Variants in ALK observed in about 807,000 individuals in gnomAD.
ALK encodes the protein ALK receptor tyrosine kinase.
Under a neutral mutation model 163.1 loss-of-function variants are expected in ALK, and 74 were observed. The ratio of observed to expected loss-of-function variants is 0.45; its 90% CI spans 0.38 to 0.55. The LOEUF is 0.55. Among genes scored for constraint, ALK ranks in the 20% least tolerant of loss-of-function variants. The pLI is 0.00. For synonymous variants in ALK, 960 were observed against 843.2 expected, an observed-to-expected ratio of 1.14 and a Z score of -2.40; for missense variants, 2,063 against 2,105.3, an observed-to-expected ratio of 0.98 and a Z score of 0.39.
rs550047248 is a variant in ALK, at chr2:29,801,539, G to C, written c.668-83842C>G. On this transcript the variant is annotated intron_variant, in intron 1 of 28. Transcript: ENST00000389048. ...GTATGCTATTGCTGCACGACTTTCA[G>C]CCTTCAAGGATCAGGGATGCCACAC... 2.0e-5 allele frequency among the ~76,000 whole-genome samples: 3 copies of C among 152,210 alleles called. No homozygotes were observed. The South Asian group carries it at 6.2e-4, about 32-fold the overall frequency.
intron 1 of ALK, among the ~76,000 whole-genome samples, chr2:29,784,823 G>A (rs932502817): frequency 6.6e-5 from 10 of 152,088 alleles, no homozygotes; most frequent in Admixed American, 2.6e-4. Context: ...ATGTTATTAC[G>A]TTATAGTGCC....
At chr2:29,203,485 C>CTTTTTTTTGTTTTTTTTTTTTTTTT (rs1669232769) in intron 26 of ALK, among the ~76,000 whole-genome samples, 1 of 32,544 alleles carries the variant, frequency 3.1e-5, no homozygotes, top group Non-Finnish European at 5.2e-5. Context: ...GAGGATGTGC[C>CTTTTTTTTGTTTTTTTTTTTTTTTT]TTTTTTTTTT....
chr2:29,869,402 A>T (rs528818228), intron 1 of ALK, among the ~76,000 whole-genome samples: 1 of 152,334 alleles, frequency 6.6e-6, no homozygotes, highest in South Asian at 2.1e-4. Flanking sequence ...TGACCTAATA[A>T]CTATCTAATT....
intron 5 of ALK, among the ~76,000 whole-genome samples, chr2:29,360,220 T>C (rs7597581): frequency 0.05 from 7,555 of 152,304 alleles, 650 homozygotes; most frequent in African/African-American, 0.17. Flanking sequence ...GATTCATGGC[T>C]TTTCTGGCAC....
intron 3 of ALK, among the ~76,000 whole-genome samples, chr2:29,660,940 G>C (rs1413679840): frequency 4.6e-5 from 7 of 152,132 alleles, no homozygotes; most frequent in Non-Finnish European, 8.8e-5. Context: ...GGAAACCGTA[G>C]TGCTCCCTCA....
intron 11 of ALK, among the ~76,000 whole-genome samples, chr2:29,268,500 G>A (rs1440237707): frequency 6.6e-6 from 1 of 152,156 alleles, no homozygotes; most frequent in Non-Finnish European, 1.5e-5. Context: ...CTCGTTCACA[G>A]CCTCAGAGCC....
intron 5 of ALK, among the ~76,000 whole-genome samples, chr2:29,355,615 C>G (rs950698769): frequency 6.6e-6 from 1 of 152,194 alleles, no homozygotes; most frequent in Non-Finnish European, 1.5e-5. Flanking sequence ...AATGGCTGCA[C>G]TGGAAGGGAA....
chr2:29,652,700 T>C (rs1013986918), intron 3 of ALK, among the ~76,000 whole-genome samples: 2 of 152,036 alleles, frequency 1.3e-5, no homozygotes, highest in African/African-American at 2.4e-5. Context: ...AATAATGTAA[T>C]CAATCACGCT....
intron 12 of ALK, among the ~76,000 whole-genome samples, chr2:29,242,496 A>G (rs879338003): frequency 9.9e-5 from 15 of 152,080 alleles, no homozygotes; most frequent in Non-Finnish European, 2.1e-4. Context: ...TACCCTTCCT[A>G]AGCCTTCTTT....
chr2:29,776,167 C>A (rs998125797), intron 1 of ALK, among the ~76,000 whole-genome samples: 1 of 145,866 alleles, frequency 6.9e-6, no homozygotes, highest in South Asian at 2.2e-4. Context: ...AGAAGCATGA[C>A]ATATGTAACC....
chr2:29,648,485 C>T (rs1676949119), intron 3 of ALK, among the ~76,000 whole-genome samples: 1 of 152,132 alleles, frequency 6.6e-6, no homozygotes, highest in Non-Finnish European at 1.5e-5. Flanking sequence ...ACTCTGTGCT[C>T]ATTAAACACC....
chr2:29,351,772 T>G (rs1465266908), intron 5 of ALK, among the ~76,000 whole-genome samples: 3 of 151,750 alleles, frequency 2.0e-5, no homozygotes, highest in Non-Finnish European at 4.4e-5. Flanking sequence ...GGTGGTAGGG[T>G]GGGAGAGGCA....
chr2:29,398,763 A>G (rs10204724), intron 4 of ALK, among the ~76,000 whole-genome samples: 64,933 of 152,000 alleles, frequency 0.43, 15,246 homozygotes, highest in Middle Eastern at 0.62. Flanking sequence ...AAAGGCTGGA[A>G]AGATGGAATC....
intron 1 of ALK, among the ~76,000 whole-genome samples, chr2:29,919,644 G>A (rs774362794): frequency 3.3e-5 from 5 of 152,180 alleles, no homozygotes; most frequent in South Asian, 2.1e-4. Flanking sequence ...TACTAAGCTT[G>A]GAACCTGGAA....
At chr2:29,497,389 C>T (rs947883638) in intron 4 of ALK, among the ~76,000 whole-genome samples, 2 of 152,140 alleles carry the variant, frequency 1.3e-5, no homozygotes, top group Admixed American at 6.5e-5. Flanking sequence ...CTGGCTCCCT[C>T]CCTACCACCG....
At chr2:29,700,210 C>T (rs1014725850) in intron 2 of ALK, among the ~76,000 whole-genome samples, 10 of 152,160 alleles carry the variant, frequency 6.6e-5, no homozygotes, top group African/African-American at 2.4e-4. Flanking sequence ...GAATGTACAT[C>T]ACACTCAATG....
At chr2:29,807,109 AAAGCCCACAAAT>A (rs1664637509) in intron 1 of ALK, among the ~76,000 whole-genome samples, 1 of 152,228 alleles carries the variant, frequency 6.6e-6, no homozygotes, top group East Asian at 1.9e-4. Context: ...TAACTTTCTT[AAAGCCCACAAAT>A]AGTGCCTTGA....
chr2:29,700,002 C>A (rs1678685144), intron 2 of ALK, among the ~76,000 whole-genome samples: 3 of 152,136 alleles, frequency 2.0e-5, no homozygotes, highest in Non-Finnish European at 2.9e-5. Flanking sequence ...TGTTTCTTTG[C>A]ATTTGGAAGA....
At chr2:29,499,103 G>A (rs1032834630) in intron 4 of ALK, among the ~76,000 whole-genome samples, 4 of 152,178 alleles carry the variant, frequency 2.6e-5, no homozygotes, top group African/African-American at 9.6e-5. Context: ...CAAATTAGAA[G>A]GCAGGAGTTC....
Sources: allele counts gnomAD v4.1 joint callset (sites outside exome capture counted in the v4.1 genomes callset), GRCh38; gene constraint gnomAD v4.1.1; transcripts MANE v1.5; gene names NCBI Gene and HGNC (gene_info 2026-07-23, HGNC 2026-07-21).